RP1: variants seen among roughly 807,000 people sequenced by gnomAD.
RP1 encodes oxygen-regulated protein 1.
In RP1, 16 loss-of-function variants were observed where a neutral mutation model predicts 14.8. The ratio of observed to expected loss-of-function variants is 1.08; its 90% CI spans 0.73 to 1.65. The LOEUF (loss-of-function observed/expected upper bound fraction) is 1.65. Among genes scored for constraint, RP1 ranks in the 40% most tolerant of loss-of-function variants. The probability of loss-of-function intolerance (pLI) is 0.00; values close to 1 mark genes in which losing one functional copy is unlikely to be tolerated. For missense variants in RP1, 2,631 were observed against 2,535.0 expected (o/e 1.04, Z -0.81); for synonymous variants, 876 against 883.6 (o/e 0.99, Z 0.15).
chr8:54,706,482 A>G (rs1485576977), exon 15 of RP1: 4 of 1,535,726 alleles, frequency 2.6e-6, no homozygotes, highest in Non-Finnish European at 3.5e-6. Context: ...GCTTGCTACA[A>G]GCCTGTGTCA....
intron 1 of RP1, among the ~76,000 whole-genome samples, chr8:54,574,426 C>T (rs889253423): frequency 8.6e-5 from 13 of 151,876 alleles, no homozygotes; most frequent in Admixed American, 2.6e-4. Flanking sequence ...GAGCATGGCA[C>T]GGGCCTCAAG....
intron 24 of RP1, among the ~76,000 whole-genome samples, chr8:54,836,703 T>C (rs141577879): frequency 1.3e-5 from 2 of 152,294 alleles, no homozygotes; most frequent in East Asian, 3.9e-4. Flanking sequence ...GATCTCAGAC[T>C]GGGTGGTCTT....
chr8:54,783,123 CTG>C (rs1810230473), intron 23 of RP1, among the ~76,000 whole-genome samples: 1 of 152,124 alleles, frequency 6.6e-6, no homozygotes, highest in Non-Finnish European at 1.5e-5. Context: ...GATCACCAAA[CTG>C]TGTTACTAGT....
intron 14 of RP1, chr8:54,701,703 C>T (rs949524818): frequency 1.3e-5 from 19 of 1,509,954 alleles, no homozygotes; most frequent in Non-Finnish European, 1.7e-5. Context: ...TTGCTAAATC[C>T]CAACTTTCTT....
chr8:54,629,134 A>G lies in RP1; in HGVS notation c.5252A>G (p.Asn1751Ser). The change falls in exon 4 of 4, where the codon AAT (asparagine) becomes AGT (serine). Residue 1751 changes from asparagine to serine, a missense_variant. Physicochemically the swap from Asn to Ser is conservative, Grantham distance 46. Transcript: ENST00000220676. ...AAAGGCAAATGGCTTCTGAAAGAAA[A>G]TCATTTGCTAAGGATGTCATCTGAA... Reference protein sequence around the residue: ...IDKGKWLLKENHLLRMSSENP... With the variant: ...IDKGKWLLKESHLLRMSSENP... The G allele has an allele frequency of 6.2e-7, 1 of 1,614,160 alleles. No individual in the cohort carries two copies.
intron 1 of RP1, among the ~76,000 whole-genome samples, chr8:54,588,464 C>T (rs1296718835): frequency 1.3e-5 from 2 of 152,192 alleles, no homozygotes; most frequent in Non-Finnish European, 2.9e-5. Flanking sequence ...TTAGAATAAA[C>T]AGCTGCAATA....
chr8:54,772,519 A>G (rs1809933769), downstream of RP1, among the ~76,000 whole-genome samples: 4 of 152,168 alleles, frequency 2.6e-5, no homozygotes, highest in Admixed American at 2.0e-4. Context: ...CAGTGATGGT[A>G]ACATTAATAG....
intron 24 of RP1, among the ~76,000 whole-genome samples, chr8:54,801,715 C>A (rs1810712360): frequency 6.6e-6 from 1 of 152,124 alleles, no homozygotes; most frequent in Non-Finnish European, 1.5e-5. Flanking sequence ...CTTCCCATAT[C>A]CAGCCTTTAG....
At chr8:54,660,552 G>A (rs560665294) in intron 6 of RP1, among the ~76,000 whole-genome samples, 1 of 152,184 alleles carries the variant, frequency 6.6e-6, no homozygotes, top group Admixed American at 6.5e-5. Flanking sequence ...ATGTGCTGGG[G>A]GTAGGAGGGG....
At chr8:54,726,274 C>T in intron 16 of RP1, 1 of 1,442,258 alleles carries the variant, frequency 6.9e-7, no homozygotes, top group Non-Finnish European at 9.1e-7. Context: ...CATAGCTGAA[C>T]ATATGATGAG....
chr8:54,796,254 G>A (rs1810574097), intron 24 of RP1, among the ~76,000 whole-genome samples: 2 of 152,138 alleles, frequency 1.3e-5, no homozygotes, highest in Admixed American at 6.6e-5. Context: ...TGAGGATTAT[G>A]TGGGTATATA....
chr8:54,626,164 A>T lies in RP1; in HGVS notation c.2282A>T (p.Lys761Ile), dbSNP rs774506963. ...ATTTCCAAGAATTTCCATAGAAATA[A>T]ATTAAATACTACTCAAAATTCCAAG... Reference protein sequence around the residue: ...STISKNFHRNKLNTTQNSKVQ... With the variant: ...STISKNFHRNILNTTQNSKVQ... Residue 761 changes from lysine (K) to isoleucine (I), a missense_variant, in exon 4 of 4, where the codon AAA becomes ATA. Coordinates refer to ENST00000220676, the MANE Select transcript of RP1 (RefSeq NM_006269.2). 6.2e-7 allele frequency: 1 copy of T among 1,612,032 alleles called. No homozygotes were observed. Among genetic ancestry groups the T allele is most frequent in the East Asian group, 2.2e-5 (1 of 44,802 alleles).
chr8:54,630,916 C>A, downstream of RP1: 1 of 707,146 alleles, frequency 1.4e-6, no homozygotes, highest in Non-Finnish European at 1.7e-6. Context: ...TAGTGTTTTT[C>A]TAATAGACTA....
rs561230646 is a variant in RP1 at position 54,602,058 on chromosome 8, T to C, written c.-12-18897T>C. ...TCATCCATTTTTTTAAATTATGCTT[T>C]AAGTTTTAGGGTAAATGTGCACAAC... On this transcript the variant is annotated intron_variant, in intron 1 of 22. Coordinates refer to the RP1 transcript ENST00000636932. Among the ~76,000 whole-genome samples the C allele has an allele frequency of 2.0e-5, 3 of 152,348 alleles. No individual in the cohort carries two copies. The East Asian group carries it at 5.8e-4, about 29-fold the overall frequency.
intron 15 of RP1, among the ~76,000 whole-genome samples, chr8:54,707,601 C>T (rs1354772604): frequency 6.6e-6 from 1 of 152,224 alleles, no homozygotes; most frequent in East Asian, 1.9e-4. Flanking sequence ...TAAATTAGAT[C>T]TTCTGAATAA....
intron 26 of RP1, among the ~76,000 whole-genome samples, chr8:54,852,914 T>C (rs112387430): frequency 0.013 from 1,944 of 151,898 alleles, 49 homozygotes; most frequent in African/African-American, 0.044. Flanking sequence ...GGGACTTAAC[T>C]CAACAAACAC....
At chr8:54,656,617 C>G (rs1262573176) in intron 6 of RP1, among the ~76,000 whole-genome samples, 1 of 151,340 alleles carries the variant, frequency 6.6e-6, no homozygotes, top group East Asian at 1.9e-4. Context: ...CACAACTGCT[C>G]AATGACTTTC....
At chr8:54,655,122 C>T (rs1806728982) in intron 5 of RP1, among the ~76,000 whole-genome samples, 1 of 152,174 alleles carries the variant, frequency 6.6e-6, no homozygotes, top group South Asian at 2.1e-4. Flanking sequence ...TTTCATTATA[C>T]TACAAATGAA....
chr8:54,696,464 T>A, intron 12 of RP1: 1 of 881,066 alleles, frequency 1.1e-6, no homozygotes, highest in Non-Finnish European at 1.8e-6. Context: ...GAGGAAAGCT[T>A]ATCAAGCCCT....
Sources: gnomAD v4.1 joint callset for allele counts (sites outside exome capture counted in the v4.1 genomes callset) on GRCh38, gnomAD v4.1.1 for gene constraint, MANE v1.5 for transcripts, NCBI Gene and HGNC (gene_info 2026-07-23, HGNC 2026-07-21) for gene names.